Variants in WDHD1 observed in about 807,000 individuals in gnomAD.
The protein encoded by WDHD1 is WD repeat and HMG-box DNA binding protein 1, also known as WD repeat and HMG-box DNA-binding protein 1.
In WDHD1, 111 loss-of-function variants were observed where a neutral mutation model predicts 135.4. That is an observed-to-expected ratio of 0.82 (90% CI 0.70 to 0.96). The LOEUF is 0.96. Ranked by LOEUF, WDHD1 falls within the 40% of genes least tolerant of loss-of-function variation. WDHD1 has a pLI of 0.00. For synonymous variants in WDHD1, 434 were observed against 439.0 expected (o/e 0.99, Z 0.14); for missense variants, 1,351 against 1,336.3 (o/e 1.01, Z -0.17).
intron 24 of WDHD1, among the ~76,000 whole-genome samples, chr14:54,951,483 C>A (rs1268336160): frequency 1.3e-5 from 2 of 152,050 alleles, no homozygotes; most frequent in Non-Finnish European, 2.9e-5. Flanking sequence ...CAATAACAGG[C>A]TCTGAAATTG....
chr14:55,015,699 ATTTT>A (rs35102727), intron 2 of WDHD1, among the ~76,000 whole-genome samples: 1 of 143,252 alleles, frequency 7.0e-6, no homozygotes, highest in Non-Finnish European at 1.5e-5. Context: ...TTCCAATGGA[ATTTT>A]TTTTTTTTTT....
Position 54,957,161 on chromosome 14 carries a change from G to C in WDHD1, c.2789C>G (p.Ala930Gly), listed in dbSNP as rs1461234456. 6.2e-7 allele frequency: 1 copy of C among 1,613,980 alleles called. No homozygotes were observed. Among genetic ancestry groups the C allele is most frequent in the African/African-American group, 1.3e-5 (1 of 74,918 alleles). ...SKEPAMSMNSARSTNILDNMG... is the reference protein window; with the variant it reads ...SKEPAMSMNSGRSTNILDNMG... ...ATTGTCTAAAATATTAGTTGAACGT[G>C]CTGAATTCATTGACATGGCTGGTTC... Residue 930 changes from alanine (A) to glycine (G), a missense_variant, in exon 23 of 26, where the codon GCA (alanine) becomes GGA (glycine). Physicochemically the swap from Ala to Gly is moderately conservative, Grantham distance 60. Coordinates refer to ENST00000360586, the MANE Select transcript of WDHD1 (RefSeq NM_007086.4).
At chr14:54,943,453 G>C (rs1379993045) in intron 25 of WDHD1, among the ~76,000 whole-genome samples, 2 of 152,124 alleles carry the variant, frequency 1.3e-5, no homozygotes, top group Non-Finnish European at 2.9e-5. Flanking sequence ...GGAGTACAGT[G>C]ACACAATCAC....
At chr14:55,022,212 A>G (rs1486177980) in intron 2 of WDHD1, among the ~76,000 whole-genome samples, 1 of 152,230 alleles carries the variant, frequency 6.6e-6, no homozygotes, top group Non-Finnish European at 1.5e-5. Flanking sequence ...AGTGAAACCA[A>G]TCCAGAAAAG....
chr14:55,014,348 C>T (rs553360135), intron 2 of WDHD1, among the ~76,000 whole-genome samples: 165 of 152,252 alleles, frequency 1.1e-3, no homozygotes, highest in African/African-American at 3.8e-3. Context: ...TCTTGACCTC[C>T]CAAAGTCAAG....
intron 7 of WDHD1, among the ~76,000 whole-genome samples, chr14:55,006,877 TAAAA>T (rs982667335): frequency 6.6e-6 from 1 of 151,956 alleles, no homozygotes; most frequent in Non-Finnish European, 1.5e-5. Context: ...AAAAAGTAAT[TAAAA>T]AAACTATTTT....
At chr14:55,017,969 C>A (rs2042287112) in intron 2 of WDHD1, among the ~76,000 whole-genome samples, 1 of 151,790 alleles carries the variant, frequency 6.6e-6, no homozygotes, top group Non-Finnish European at 1.5e-5. Flanking sequence ...AGAAAAACTA[C>A]TAGACCTCCT....
At chr14:54,947,307 C>A (rs1020488965) in intron 24 of WDHD1, among the ~76,000 whole-genome samples, 1 of 152,124 alleles carries the variant, frequency 6.6e-6, no homozygotes, top group Non-Finnish European at 1.5e-5. Context: ...CATTGCATTG[C>A]AGTCTGGGCA....
intron 25 of WDHD1, among the ~76,000 whole-genome samples, chr14:54,942,076 C>G (rs922351658): frequency 6.6e-6 from 1 of 151,866 alleles, no homozygotes; most frequent in African/African-American, 2.4e-5. Flanking sequence ...CAGTGAAACC[C>G]CGTCTCTACT....
rs1468940022 is a variant in WDHD1 at position 54,970,722 on chromosome 14, T to C, written c.2064-3328A>G. ...TCCTATCAAATTACCAATGTCATTT[T>C]TCACAGAATTAGAAAAAACTATTCT... On this transcript the variant is annotated intron_variant, in intron 16 of 25. Coordinates refer to ENST00000360586, the MANE Select transcript of WDHD1 (RefSeq NM_007086.4). Among the ~76,000 whole-genome samples, 9 of 152,090 alleles carry C rather than the reference T, an allele frequency of 5.9e-5. No homozygotes were observed. The East Asian group carries it at 1.7e-3, about 29-fold the overall frequency.
In WDHD1 at chr14:54,940,064, T is replaced by C. The variant is rs1460944082; in HGVS notation, c.*1426A>G. On this transcript the variant is annotated 3_prime_UTR_variant, in exon 26 of 26. Coordinates refer to ENST00000360586, the MANE Select transcript of WDHD1 (RefSeq NM_007086.4). ...AAGCAAGATGAAATAACCAACAGCA[T>C]CATCATTATCAGAATAGTAACTAAC... is the stretch of plus-strand genomic sequence containing the variant. The C allele has an allele frequency of 2.0e-5, 3 of 152,132 alleles. No homozygotes were observed. The East Asian group carries it at 5.8e-4, about 29-fold the overall frequency. 9.4% of individuals were successfully genotyped at this position (152,132 alleles called of 1,614,324 possible).
At chr14:54,984,958 T>G (rs78320232) in intron 14 of WDHD1, 98 bp from the exon 15 acceptor site, 1 of 1,456,732 alleles carries the variant, frequency 6.9e-7, no homozygotes, top group African/African-American at 1.4e-5. Flanking sequence ...GGTAAATTAC[T>G]AGACTGACTA....
chr14:55,007,458 C>G, intron 6 of WDHD1, 83 bp from the exon 7 acceptor site: 1 of 1,014,872 alleles, frequency 9.9e-7, no homozygotes, highest in South Asian at 1.6e-5. Context: ...TTTAAAGGTT[C>G]TTCAAATCAA....
At chr14:54,988,383 G>C (rs1282371791) in intron 13 of WDHD1, among the ~76,000 whole-genome samples, 1 of 152,128 alleles carries the variant, frequency 6.6e-6, no homozygotes, top group African/African-American at 2.4e-5. Context: ...CAAAAATCTA[G>C]ACTAATAGTT....
At chr14:55,003,083 G>A (rs1401890538) in intron 7 of WDHD1, among the ~76,000 whole-genome samples, 1 of 151,768 alleles carries the variant, frequency 6.6e-6, no homozygotes, top group Non-Finnish European at 1.5e-5. Context: ...ATCCAAAAAA[G>A]GATTAGTAAC....
chr14:54,939,268 C>A lies in WDHD1; in HGVS notation c.*2222G>T, dbSNP rs150193166. On this transcript the variant is annotated 3_prime_UTR_variant, in exon 26 of 26. Coordinates refer to ENST00000360586, the MANE Select transcript of WDHD1 (RefSeq NM_007086.4). ...CATGGATGGGCCTCATCCTTTTGTC[C>A]AAAGGGACTACCTGGCATCTGTTCC... is the stretch of plus-strand genomic sequence containing the variant. 61 of 152,220 alleles carry A rather than the reference C, an allele frequency of 4.0e-4. 5 individuals are homozygous for A. In the East Asian group the frequency reaches 7.7e-3, roughly 19 times the overall value. 9.4% of individuals were successfully genotyped at this position (152,220 alleles called of 1,614,324 possible). A position where few individuals can be genotyped will look rare whatever the true frequency, so the allele number is the denominator to read the frequency against.
chr14:55,002,871 C>T (rs754054868), intron 7 of WDHD1, among the ~76,000 whole-genome samples: 12 of 152,100 alleles, frequency 7.9e-5, no homozygotes, highest in Non-Finnish European at 1.2e-4. Context: ...GAGATTACAG[C>T]GTGAGACACC....
intron 23 of WDHD1, 95 bp from the exon 24 acceptor site, chr14:54,955,789 T>C: frequency 1.8e-6 from 2 of 1,136,812 alleles, no homozygotes; most frequent in Non-Finnish European, 2.3e-6. Context: ...CATCTATAAT[T>C]ATTGAGAATT....
chr14:55,003,031 T>C (rs2042000815), intron 7 of WDHD1, among the ~76,000 whole-genome samples: 1 of 152,130 alleles, frequency 6.6e-6, no homozygotes, highest in Non-Finnish European at 1.5e-5. Flanking sequence ...CTGAAGAAAC[T>C]GATTAGTAGA....
Sources: allele counts gnomAD v4.1 joint callset (sites outside exome capture counted in the v4.1 genomes callset), GRCh38; gene constraint gnomAD v4.1.1; transcripts MANE v1.5; gene names NCBI Gene and HGNC (gene_info 2026-07-23, HGNC 2026-07-21).